Variants in EYA4 observed in about 807,000 individuals in gnomAD.
EYA4 encodes protein phosphatase EYA4.
A neutral mutation model predicts 87.9 loss-of-function variants in EYA4; 31 were observed. The ratio of observed to expected loss-of-function variants is 0.35; its 90% CI spans 0.27 to 0.48. EYA4 has a LOEUF of 0.48. Ranked by LOEUF, EYA4 falls within the 20% of genes least tolerant of loss-of-function variation. EYA4 has a pLI of 0.99. For synonymous variants in EYA4, 263 were observed against 270.6 expected, an observed-to-expected ratio of 0.97 and a Z score of 0.28; for missense variants, 678 against 761.4, an observed-to-expected ratio of 0.89 and a Z score of 1.29.
intron 2 of EYA4, among the ~76,000 whole-genome samples, chr6:133,346,312 G>A (rs1783190079): frequency 6.6e-6 from 1 of 152,080 alleles, no homozygotes. Flanking sequence ...TTTCCCCAAG[G>A]GATAATTACA....
At chr6:133,383,545 A>AAT (rs1312860441) in intron 3 of EYA4, among the ~76,000 whole-genome samples, 29 of 149,616 alleles carry the variant, frequency 1.9e-4, no homozygotes, top group African/African-American at 7.1e-4. Flanking sequence ...AAAAAAAAAA[A>AAT]TGTAATGGCC....
rs113327181 is a variant in EYA4 at position 133,328,357 on chromosome 6, C to G, written c.33+53544C>G. On this transcript the variant is annotated intron_variant, in intron 2 of 19. Coordinates refer to ENST00000355286, the MANE Select transcript of EYA4 (RefSeq NM_004100.5). ...CACCATTTGCTAGCTGTGTGGCTGT[C>G]AGAAAATTAAATAAACTCTCTAAGT... 5.7e-4 allele frequency among the ~76,000 whole-genome samples: 87 copies of G among 152,214 alleles called. No homozygotes were observed. In the Middle Eastern group the frequency reaches 0.014, roughly 24 times the overall value.
At chr6:133,331,026 G>GTT (rs1403289750) in intron 2 of EYA4, among the ~76,000 whole-genome samples, 2 of 117,846 alleles carry the variant, frequency 1.7e-5, no homozygotes, top group South Asian at 3.0e-4. Flanking sequence ...TAACCAAACG[G>GTT]GTTTTTTTTT....
intron 2 of EYA4, among the ~76,000 whole-genome samples, chr6:133,344,633 G>C (rs953585448): frequency 1.3e-5 from 2 of 151,996 alleles, no homozygotes; most frequent in African/African-American, 4.8e-5. Context: ...CATTTGAAAT[G>C]ATTATTTTGA....
chr6:133,475,796 T>A (rs1795671147), intron 11 of EYA4, among the ~76,000 whole-genome samples: 1 of 152,158 alleles, frequency 6.6e-6, no homozygotes, highest in Non-Finnish European at 1.5e-5. Context: ...CTGGTTGAGC[T>A]CAAGTTCCTG....
chr6:133,299,767 A>G (rs1162033409), intron 2 of EYA4, among the ~76,000 whole-genome samples: 1 of 150,722 alleles, frequency 6.6e-6, no homozygotes, highest in African/African-American at 2.4e-5. Flanking sequence ...AATAAAATAA[A>G]AACACTTAAA....
At chr6:133,268,279 T>C (rs1776389102) in intron 1 of EYA4, among the ~76,000 whole-genome samples, 1 of 152,246 alleles carries the variant, frequency 6.6e-6, no homozygotes, top group Non-Finnish European at 1.5e-5. Context: ...TGTTGTATCC[T>C]TTTACTTTTG....
intron 3 of EYA4, among the ~76,000 whole-genome samples, chr6:133,389,309 C>T (rs981611420): frequency 6.6e-6 from 1 of 152,136 alleles, no homozygotes; most frequent in Non-Finnish European, 1.5e-5. Context: ...GGAAGCCTTC[C>T]CTATCCAGCC....
intron 1 of EYA4, among the ~76,000 whole-genome samples, chr6:133,255,994 AT>A (rs1037679255): frequency 2.0e-5 from 3 of 151,966 alleles, no homozygotes; most frequent in African/African-American, 7.2e-5. Context: ...TTTTAAAAAG[AT>A]TTATGAATCT....
intron 6 of EYA4, among the ~76,000 whole-genome samples, chr6:133,459,418 A>G (rs1329083765): frequency 6.6e-6 from 1 of 152,136 alleles, no homozygotes; most frequent in Non-Finnish European, 1.5e-5. Context: ...AAAGGTTACT[A>G]TAATGAATAT....
chr6:133,365,975 A>G (rs1276759479), intron 2 of EYA4, among the ~76,000 whole-genome samples: 1 of 152,184 alleles, frequency 6.6e-6, no homozygotes, highest in Non-Finnish European at 1.5e-5. Context: ...AGTTGATATA[A>G]CTGGCCTTGT....
chr6:133,457,139 G>T (rs1793979975), intron 6 of EYA4, among the ~76,000 whole-genome samples: 1 of 152,148 alleles, frequency 6.6e-6, no homozygotes, highest in Non-Finnish European at 1.5e-5. Context: ...TTAATGGGCT[G>T]CAGGAGAGCA....
At chr6:133,501,316 G>A (rs932326616) in intron 13 of EYA4, among the ~76,000 whole-genome samples, 1 of 151,930 alleles carries the variant, frequency 6.6e-6, no homozygotes, top group African/African-American at 2.4e-5. Context: ...ATCTCATCCA[G>A]TAATAATATA....
At chr6:133,438,869 C>T (rs1207143738) in intron 3 of EYA4, among the ~76,000 whole-genome samples, 1 of 151,644 alleles carries the variant, frequency 6.6e-6, no homozygotes, top group Non-Finnish European at 1.5e-5. Flanking sequence ...AGTGAAATCC[C>T]GTCTCTACTA....
rs1374671493 is a variant in EYA4, at chr6:133,519,313, A to C, written c.1617-3743A>C. 2.6e-5 allele frequency among the ~76,000 whole-genome samples: 4 copies of C among 152,056 alleles called. No individual in the cohort carries two copies. In the South Asian group the frequency reaches 8.3e-4, roughly 31 times the overall value. On this transcript the variant is annotated intron_variant, in intron 17 of 19. Coordinates refer to ENST00000355286, the MANE Select transcript of EYA4 (RefSeq NM_004100.5). ...GACGCAATAAAAAATGATAAAGGGG[A>C]TATCACCACCAATCCCACAGAAATA...
intron 10 of EYA4, among the ~76,000 whole-genome samples, chr6:133,466,837 A>T (rs977491052): frequency 2.0e-5 from 3 of 151,786 alleles, no homozygotes; most frequent in Admixed American, 2.0e-4. Flanking sequence ...GCACATTTGC[A>T]GAGATAGGCG....
rs1232282406 is a variant in EYA4, at chr6:133,467,903, G to A, written c.805-663G>A. On this transcript the variant is annotated intron_variant, in intron 10 of 19. Transcript: ENST00000355286. ...TTTAAATAAAAAGCAGGTCAGGGGT[G>A]TTGATTCAGTGCTTTCATTTTTCTC... Among the ~76,000 whole-genome samples, 3 of 152,076 alleles carry A rather than the reference G, an allele frequency of 2.0e-5. No homozygotes were observed. The East Asian group carries it at 5.8e-4, about 30-fold the overall frequency.
At position 133,429,835 on chromosome 6, in the gene EYA4, A is replaced by G. The variant is rs1165713029; in HGVS notation, c.84-16795A>G. 3.9e-5 allele frequency among the ~76,000 whole-genome samples: 6 copies of G among 152,342 alleles called. No homozygotes were observed. The East Asian group carries it at 9.6e-4, about 24-fold the overall frequency. ...TTATCCTATGGAGTTGGTGGATTTCAGAAATATTTTTCTTCAGTTTTCTTT... is the reference window on the plus strand; with the variant it reads ...TTATCCTATGGAGTTGGTGGATTTCGGAAATATTTTTCTTCAGTTTTCTTT... On this transcript the variant is annotated intron_variant, in intron 3 of 19. Transcript: ENST00000355286.
chr6:133,254,888 C>G (rs1775215575), intron 1 of EYA4, among the ~76,000 whole-genome samples: 3 of 152,330 alleles, frequency 2.0e-5, no homozygotes, highest in South Asian at 2.1e-4. Context: ...ATGCTCCCAA[C>G]TCTACATCTT....
Sources: gnomAD v4.1 joint callset for allele counts (sites outside exome capture counted in the v4.1 genomes callset) on GRCh38, gnomAD v4.1.1 for gene constraint, MANE v1.5 for transcripts, NCBI Gene and HGNC (gene_info 2026-07-23, HGNC 2026-07-21) for gene names.